The following SFMBT2 variants were observed in gnomAD, a reference collection of about 807,000 sequenced individuals.
SFMBT2 encodes Scm like with four mbt domains 2.
A neutral mutation model predicts 110.1 loss-of-function variants in SFMBT2; 38 were observed. That is an observed-to-expected ratio of 0.35 (90% confidence interval 0.27 to 0.45). SFMBT2 has a LOEUF of 0.45. SFMBT2 is among the 20% of genes least tolerant of loss of function. SFMBT2 has a pLI of 1.00. For missense variants in SFMBT2, 1,011 were observed against 1,094.9 expected, an observed-to-expected ratio of 0.92 and a Z score of 1.08; for synonymous variants, 425 against 425.4, an observed-to-expected ratio of 1.00 and a Z score of 0.01.
intron 7 of SFMBT2, among the ~76,000 whole-genome samples, chr10:7,249,751 A>G (rs1314379106): frequency 6.6e-6 from 1 of 152,240 alleles, no homozygotes; most frequent in Admixed American, 6.5e-5. Context: ...TCAGACTAGA[A>G]GAACTGCTTA....
intron 7 of SFMBT2, among the ~76,000 whole-genome samples, chr10:7,263,565 T>G (rs1841285049): frequency 6.6e-6 from 1 of 152,206 alleles, no homozygotes; most frequent in Non-Finnish European, 1.5e-5. Context: ...TCAAAGCCAT[T>G]TGGGGATAAC....
intron 9 of SFMBT2, among the ~76,000 whole-genome samples, chr10:7,230,537 A>G (rs1461854698): frequency 1.3e-5 from 2 of 152,222 alleles, no homozygotes; most frequent in African/African-American, 2.4e-5. Context: ...AGAAGAGGGT[A>G]TCTGGGTTTA....
At chr10:7,294,746 C>G (rs1023819875) in intron 4 of SFMBT2, among the ~76,000 whole-genome samples, 15 of 152,216 alleles carry the variant, frequency 9.9e-5, no homozygotes, top group African/African-American at 3.4e-4. Context: ...GTCATTCTTA[C>G]AACCTCATCA....
intron 1 of SFMBT2, among the ~76,000 whole-genome samples, chr10:7,394,827 A>T (rs1341417829): frequency 6.6e-6 from 1 of 151,960 alleles, no homozygotes; most frequent in Admixed American, 6.6e-5. Flanking sequence ...TGCCTGGGAC[A>T]CCAATGTTAG....
intron 2 of SFMBT2, among the ~76,000 whole-genome samples, chr10:7,373,164 G>C (rs889697349): frequency 1.3e-5 from 2 of 152,144 alleles, no homozygotes; most frequent in African/African-American, 4.8e-5. Context: ...GTGAGTTCTG[G>C]CTCTTGAAGG....
rs1056412489 is a variant in SFMBT2 at position 7,381,958 on chromosome 10, A to C, written c.-51-9T>G. On this transcript the variant is annotated splice_polypyrimidine_tract_variant and intron_variant, in intron 1 of 20. Transcript: ENST00000397167. Reference sequence around the variant, plus strand: ...CCTGCAGAAAAAATTACCTAAGAGCAATCAAAAAAAAAAAAATCAGAGCAG... The same window carrying C: ...CCTGCAGAAAAAATTACCTAAGAGCCATCAAAAAAAAAAAAATCAGAGCAG... 1 of 1,450,060 alleles carries C rather than the reference A, an allele frequency of 6.9e-7. No homozygotes were observed. The highest frequency in any genetic ancestry group is 1.4e-5 in the African/African-American group (1 of 69,208). 89.8% of individuals were successfully genotyped at this position (1,450,060 alleles called of 1,614,324 possible).
chr10:7,346,816 CAA>C (rs34063872), intron 4 of SFMBT2, among the ~76,000 whole-genome samples: 6,335 of 59,732 alleles, frequency 0.11, 169 homozygotes, highest in Non-Finnish European at 0.17. Flanking sequence ...ATTAAAGATA[CAA>C]AAAAAAAAAA....
intron 1 of SFMBT2, among the ~76,000 whole-genome samples, chr10:7,396,235 C>T (rs927548857): frequency 6.6e-6 from 1 of 152,092 alleles, no homozygotes; most frequent in African/African-American, 2.4e-5. Flanking sequence ...GGCGACAGAG[C>T]GAGACTGTCT....
Position 7,171,518 on chromosome 10 carries a change from A to C in SFMBT2, c.2415+377T>G, listed in dbSNP as rs1376094030. On this transcript the variant is annotated intron_variant, in intron 19 of 20. Transcript: ENST00000397167. This position sits in a 1 kb window ranked among gnomAD's most constrained non-coding sequence, Gnocchi z 4.9. ...CACTGATTAAATATTTTAAAACATC[A>C]CAGAGGTGTCCTATAGAGGGGACGT... is the stretch of plus-strand genomic sequence containing the variant. 2 of 985,254 alleles carry C rather than the reference A, an allele frequency of 2.0e-6. No homozygotes were observed. The highest frequency in any genetic ancestry group is 1.2e-6 in the Non-Finnish European group (1 of 829,916). The allele number at this position is 985,254 out of a possible 1,614,324, so 61.0% of individuals were successfully genotyped here.
Position 7,408,568 on chromosome 10 carries a change from C to T in SFMBT2, c.-52+2293G>A, listed in dbSNP as rs1342757157. Reference sequence around the variant, plus strand: ...AGGTCCTCCCACCTGCCCCCGCCAGCCCCGGGGACCGTGCGCGGCCTCCGT... The same window carrying T: ...AGGTCCTCCCACCTGCCCCCGCCAGTCCCGGGGACCGTGCGCGGCCTCCGT... On this transcript the variant is annotated intron_variant, in intron 1 of 20. Coordinates refer to ENST00000397167, the MANE Select transcript of SFMBT2 (RefSeq NM_001387889.1). The surrounding 1 kb of genome is among the most constrained non-coding windows in gnomAD (Gnocchi z 5.7). 6.6e-6 allele frequency among the ~76,000 whole-genome samples: 1 copy of T among 152,054 alleles called. No individual in the cohort carries two copies. The highest frequency in any genetic ancestry group is 1.5e-5 in the Non-Finnish European group (1 of 67,936).
At chr10:7,201,566 G>A (rs1002805358) in intron 13 of SFMBT2, among the ~76,000 whole-genome samples, 8 of 152,040 alleles carry the variant, frequency 5.3e-5, no homozygotes, top group African/African-American at 9.7e-5. Context: ...CATTCAAATC[G>A]TGCAGTTCCA....
chr10:7,383,212 C>T (rs965650073), intron 1 of SFMBT2, among the ~76,000 whole-genome samples: 1 of 152,142 alleles, frequency 6.6e-6, no homozygotes, highest in Non-Finnish European at 1.5e-5. Flanking sequence ...ATTGAAGATT[C>T]ATGCCAGGTG....
intron 7 of SFMBT2, among the ~76,000 whole-genome samples, chr10:7,256,111 C>T (rs540741507): frequency 6.6e-6 from 1 of 152,254 alleles, no homozygotes; most frequent in Admixed American, 6.5e-5. Flanking sequence ...TGGAATCCCT[C>T]TTGTGGGAGG....
chr10:7,403,024 A>C (rs1286943345), intron 1 of SFMBT2, among the ~76,000 whole-genome samples: 1 of 152,210 alleles, frequency 6.6e-6, no homozygotes, highest in Non-Finnish European at 1.5e-5. Context: ...ATCAAGATGA[A>C]ATTTCAGAAA....
chr10:7,282,540 C>T (rs1211139514), intron 6 of SFMBT2, among the ~76,000 whole-genome samples: 1 of 152,236 alleles, frequency 6.6e-6, no homozygotes, highest in Non-Finnish European at 1.5e-5. Flanking sequence ...ACGACAGGCT[C>T]TTTGTTTGTC....
intron 7 of SFMBT2, among the ~76,000 whole-genome samples, chr10:7,264,997 T>C (rs936141241): frequency 1.3e-5 from 2 of 150,890 alleles, no homozygotes; most frequent in Non-Finnish European, 2.9e-5. Flanking sequence ...TAGTCCGTGA[T>C]CACTTTCAAC....
chr10:7,368,668 A>G lies in SFMBT2; in HGVS notation c.196-779T>C, dbSNP rs139438378. On this transcript the variant is annotated intron_variant, in intron 3 of 20. Transcript: ENST00000397167. ...AAAGAAAATAGGAGTGACTCCATAC[A>G]GAGAGAAATTGATAACTTCTCAGTA... Among the ~76,000 whole-genome samples the G allele has an allele frequency of 1.3e-4, 20 of 152,372 alleles. No individual in the cohort carries two copies. The East Asian group carries it at 3.1e-3, about 23-fold the overall frequency.
chr10:7,272,820 T>C (rs1255533934), intron 7 of SFMBT2, among the ~76,000 whole-genome samples: 2 of 152,040 alleles, frequency 1.3e-5, no homozygotes, highest in Admixed American at 6.5e-5. Context: ...TGAGACAGAG[T>C]CTTGCTCTGC....
intron 4 of SFMBT2, among the ~76,000 whole-genome samples, chr10:7,337,942 T>C (rs1327127933): frequency 6.6e-6 from 1 of 152,206 alleles, no homozygotes; most frequent in African/African-American, 2.4e-5. Context: ...AAAACACAGC[T>C]TGTCCTCACC....
Sources: allele counts gnomAD v4.1 joint callset (sites outside exome capture counted in the v4.1 genomes callset), GRCh38; gene constraint gnomAD v4.1.1; non-coding constraint Gnocchi (gnomAD v3.1); transcripts MANE v1.5; gene names NCBI Gene and HGNC (gene_info 2026-07-23, HGNC 2026-07-21).